The following STAB2 variants were observed in gnomAD, a reference collection of about 807,000 sequenced individuals.
STAB2 encodes stabilin-2.
A neutral mutation model predicts 338.1 loss-of-function variants in STAB2; 288 were observed. That is an observed-to-expected ratio of 0.85 (90% CI 0.77 to 0.94). The LOEUF (loss-of-function observed/expected upper bound fraction) is 0.94, where lower values mean the gene tolerates loss of function less well. STAB2 is among the 40% of genes least tolerant of loss of function. The pLI, the probability that STAB2 is intolerant of heterozygous loss-of-function variation, is 0.00. For missense variants in STAB2, 3,141 were observed against 3,210.1 expected (o/e 0.98, Z 0.52); for synonymous variants, 1,202 against 1,193.3 (o/e 1.01, Z -0.15).
chr12:103,623,816 G>C (rs928962743), intron 5 of STAB2, among the ~76,000 whole-genome samples: 1 of 152,182 alleles, frequency 6.6e-6, no homozygotes, highest in Non-Finnish European at 1.5e-5. Flanking sequence ...CTGCCACTTA[G>C]AGTGTTTATA....
chr12:103,713,912 G>A, intron 42 of STAB2, 144 bp downstream of exon 42: 1 of 1,359,340 alleles, frequency 7.4e-7, no homozygotes, highest in Non-Finnish European at 9.9e-7. Flanking sequence ...ATAAGGGCAT[G>A]GAAAAGTGAC....
In STAB2 at chr12:103,704,491, G is replaced by A. The variant is rs1232630951; in HGVS notation, c.3844-67G>A. ...TTAATTCAAAAACCTTCATTTCCAAGTTCTGGACATGCAGCTTCATTTTGT... is the reference window on the plus strand; with the variant it reads ...TTAATTCAAAAACCTTCATTTCCAAATTCTGGACATGCAGCTTCATTTTGT... On this transcript the variant is annotated intron_variant, in intron 35 of 68. Coordinates refer to ENST00000388887, the MANE Select transcript of STAB2 (RefSeq NM_017564.10). The A allele has an allele frequency of 2.6e-6, 4 of 1,518,068 alleles. No individual in the cohort carries two copies. The African/African-American group carries it at 5.5e-5, about 21-fold the overall frequency. The allele number at this position is 1,518,068 out of a possible 1,614,324, so 94.0% of individuals were successfully genotyped here. A position where few individuals can be genotyped will look rare whatever the true frequency, so the allele number is the denominator to read the frequency against.
chr12:103,627,646 T>C (rs1321638195), intron 5 of STAB2, among the ~76,000 whole-genome samples: 2 of 152,160 alleles, frequency 1.3e-5, no homozygotes, highest in African/African-American at 4.8e-5. Flanking sequence ...AAGCTGCCAG[T>C]GCCAGGCAGT....
chr12:103,683,135 C>T, intron 25 of STAB2, 70 bp from the exon 26 acceptor site: 3 of 1,364,610 alleles, frequency 2.2e-6, no homozygotes, highest in Non-Finnish European at 3.1e-6. Flanking sequence ...TTTCTCAGTG[C>T]TGTGTGAGGG....
Position 103,745,266 on chromosome 12 carries a change from ACACT to A in STAB2, c.6128_6131del (p.Thr2043ArgfsTer81), listed in dbSNP as rs758827705. ...ACGGGGTGGACAGGCCCCTCGTGTGACACTCAGGCAGGTCAGTCATGGGAGTGGT... is the reference window on the plus strand; with the variant it reads ...ACGGGGTGGACAGGCCCCTCGTGTGACAGGCAGGTCAGTCATGGGAGTGGT... On this transcript the variant is annotated frameshift_variant, in exon 57 of 69. Coordinates refer to ENST00000388887, the MANE Select transcript of STAB2 (RefSeq NM_017564.10). LOFTEE classifies it high-confidence loss of function. The A allele has an allele frequency of 1.9e-6, 3 of 1,613,372 alleles. No individual in the cohort carries two copies. The highest frequency in any genetic ancestry group is 2.5e-6 in the Non-Finnish European group (3 of 1,179,858).
At chr12:103,590,257 A>G (rs1049164419) in intron 1 of STAB2, among the ~76,000 whole-genome samples, 9 of 152,240 alleles carry the variant, frequency 5.9e-5, no homozygotes, top group Admixed American at 1.3e-4. Flanking sequence ...TGTTTAATCA[A>G]CAAATATTCA....
rs1874027693 is a variant in STAB2, at chr12:103,654,554, G to A, written c.1408-1G>A. On this transcript the variant is annotated splice_acceptor_variant, in intron 12 of 68. Coordinates refer to ENST00000388887, the MANE Select transcript of STAB2 (RefSeq NM_017564.10). LOFTEE classifies it high-confidence loss of function. ...TATTTTATCTTTCTTTGGTGTTTTA[G>A]GACAATCAAATAAAGCTTAAACTCC... 6.2e-7 allele frequency: 1 copy of A among 1,613,392 alleles called. No individual in the cohort carries two copies. Among genetic ancestry groups the A allele is most frequent in the Middle Eastern group, 1.6e-4 (1 of 6,062 alleles).
At chr12:103,722,786 C>T (rs755707036) in intron 44 of STAB2, among the ~76,000 whole-genome samples, 2 of 151,960 alleles carry the variant, frequency 1.3e-5, no homozygotes, top group Non-Finnish European at 2.9e-5. Context: ...TGTTTTTGTG[C>T]TGGGGAGTAT....
intron 3 of STAB2, among the ~76,000 whole-genome samples, chr12:103,612,303 C>T (rs1223447393): frequency 6.6e-6 from 1 of 151,974 alleles, no homozygotes; most frequent in African/African-American, 2.4e-5. Flanking sequence ...TCCATTCTCC[C>T]CATCACTTTC....
intron 52 of STAB2, among the ~76,000 whole-genome samples, chr12:103,736,808 A>G (rs1326250776): frequency 1.3e-5 from 2 of 152,086 alleles, no homozygotes; most frequent in African/African-American, 2.4e-5. Flanking sequence ...GAGTCACACT[A>G]TCTCCATCCC....
chr12:103,750,899 CG>C (rs752370418), intron 60 of STAB2, among the ~76,000 whole-genome samples, 179 bp downstream of exon 60: 1 of 152,152 alleles, frequency 6.6e-6, no homozygotes, highest in African/African-American at 2.4e-5. Flanking sequence ...GAGACCAGCC[CG>C]GCCAACATGG....
In STAB2 at chr12:103,677,608, G is replaced by T. The variant is rs1418358019; in HGVS notation, c.2802G>T (p.Gly934=). The T allele has an allele frequency of 1.2e-6, 2 of 1,610,632 alleles. No homozygotes were observed. Among genetic ancestry groups the T allele is most frequent in the South Asian group, 2.2e-5 (2 of 90,978 alleles). The change falls in exon 25 of 69, where the codon GGG becomes GGT. Residue 934 remains glycine (G), a synonymous_variant. Transcript: ENST00000388887. ...CATCCTGTTTGTATGTGGGTCCCGGGCAGGTAGGTTGGATGTCATGAGAGC... is the reference window on the plus strand; with the variant it reads ...CATCCTGTTTGTATGTGGGTCCCGGTCAGGTAGGTTGGATGTCATGAGAGC... The part of the protein sequence containing the change: ...DNASCLYVGP[G]QNECECKKGF...
intron 49 of STAB2, 108 bp downstream of exon 49, chr12:103,730,364 T>C: frequency 7.9e-7 from 1 of 1,263,958 alleles, no homozygotes; most frequent in Non-Finnish European, 1.1e-6. Context: ...TCTGCTTCAA[T>C]CTCAAGCTAT....
Position 103,640,172 on chromosome 12 carries a change from G to A in STAB2, c.956G>A (p.Gly319Glu). The A allele has an allele frequency of 6.2e-7, 1 of 1,613,432 alleles. No homozygotes were observed. Among genetic ancestry groups the A allele is most frequent in the African/African-American group, 1.3e-5 (1 of 74,982 alleles). ...TACCAGAATTTCGTACCTGGAGTGGGGTGCAGTATGACTGATATATGTAAA... is the reference window on the plus strand; with the variant it reads ...TACCAGAATTTCGTACCTGGAGTGGAGTGCAGTATGACTGATATATGTAAA... ...EHYQNFVPGV[G>E]CSMTDICKSD... is the part of the protein sequence containing the mutation. The change falls in exon 9 of 69, where the codon GGG becomes GAG. Residue 319 changes from glycine to glutamate, a missense_variant. By Grantham distance (98) the Gly-to-Glu change is moderately conservative (BLOSUM62 -2). Coordinates refer to ENST00000388887, the MANE Select transcript of STAB2 (RefSeq NM_017564.10).
At chr12:103,628,072 C>CTT (rs1472726676) in intron 5 of STAB2, among the ~76,000 whole-genome samples, 1 of 152,212 alleles carries the variant, frequency 6.6e-6, no homozygotes, top group Non-Finnish European at 1.5e-5. Flanking sequence ...ACCAACTTGA[C>CTT]TGCTCTCCAG....
intron 34 of STAB2, among the ~76,000 whole-genome samples, chr12:103,702,471 T>C (rs1253193945): frequency 6.6e-6 from 1 of 152,104 alleles, no homozygotes; most frequent in African/African-American, 2.4e-5. Flanking sequence ...GCTAATTTTT[T>C]TGTATTTTTA....
chr12:103,661,099 G>A (rs539742234), intron 17 of STAB2, among the ~76,000 whole-genome samples: 1 of 151,834 alleles, frequency 6.6e-6, no homozygotes, highest in Non-Finnish European at 1.5e-5. Flanking sequence ...TGAGAGCACA[G>A]AACAGGAGGA....
chr12:103,655,671 A>G lies in STAB2; in HGVS notation c.1734+90A>G, dbSNP rs1001074895. The G allele has an allele frequency of 9.2e-6, 14 of 1,524,744 alleles. No individual in the cohort carries two copies. In the African/African-American group the frequency reaches 1.9e-4, roughly 21 times the overall value. 94.5% of individuals were successfully genotyped at this position (1,524,744 alleles called of 1,614,324 possible). A position where few individuals can be genotyped will look rare whatever the true frequency, so the allele number is the denominator to read the frequency against. On this transcript the variant is annotated intron_variant, in intron 15 of 68. Coordinates refer to ENST00000388887, the MANE Select transcript of STAB2 (RefSeq NM_017564.10). ...AGGTTTTTCCTAAACTAGAGATAGT[A>G]AATAAGTTGTACATGTATCACCACC... is the stretch of plus-strand genomic sequence containing the variant.
chr12:103,683,304 A>G lies in STAB2; in HGVS notation c.2901+4A>G. The G allele has an allele frequency of 6.4e-7, 1 of 1,557,224 alleles. No individual in the cohort carries two copies. Among genetic ancestry groups the G allele is most frequent in the East Asian group, 2.3e-5 (1 of 44,194 alleles). ...AACCGGGAAATGTCATCCATTGGTG[A>G]GTTATTTAACCTTGTTTTTCATTAC... On this transcript the variant is annotated splice_donor_region_variant and intron_variant, in intron 26 of 68. Transcript: ENST00000388887.
Sources: allele counts gnomAD v4.1 joint callset (sites outside exome capture counted in the v4.1 genomes callset), GRCh38; gene constraint gnomAD v4.1.1; transcripts MANE v1.5; gene names NCBI Gene and HGNC (gene_info 2026-07-23, HGNC 2026-07-21).